The following IMPACT variants were observed in gnomAD, a reference collection of about 807,000 sequenced individuals.
IMPACT encodes the protein protein IMPACT.
In IMPACT, 35 loss-of-function variants were observed where a neutral mutation model predicts 47.5. The observed-to-expected ratio is 0.74, with a 90% CI of 0.56 to 0.98. The LOEUF (loss-of-function observed/expected upper bound fraction) is 0.98, where lower values mean the gene tolerates loss of function less well. Ranked by LOEUF, IMPACT falls within the 50% of genes least tolerant of loss-of-function variation. IMPACT has a pLI of 0.00. For missense variants in IMPACT, 373 were observed against 394.8 expected (o/e 0.94, Z 0.47); for synonymous variants, 118 against 125.6 (o/e 0.94, Z 0.40).
At chr18:24,432,798 A>G (rs565973108) in intron 4 of IMPACT, among the ~76,000 whole-genome samples, 1 of 151,784 alleles carries the variant, frequency 6.6e-6, no homozygotes, top group Non-Finnish European at 1.5e-5. Flanking sequence ...GCTCTTACCT[A>G]ACTTTTGGTG....
At chr18:24,448,301 G>A (rs1339470408) in intron 9 of IMPACT, 118 bp downstream of exon 9, 5 of 551,544 alleles carry the variant, frequency 9.1e-6, no homozygotes, top group African/African-American at 1.9e-5. Context: ...AGATATATTT[G>A]ATTTAATTAG....
At chr18:24,437,085 C>G (rs992487892) in intron 4 of IMPACT, among the ~76,000 whole-genome samples, 1 of 151,964 alleles carries the variant, frequency 6.6e-6, no homozygotes, top group Non-Finnish European at 1.5e-5. Flanking sequence ...TCTCTTGTTT[C>G]GAAAGTTTTG....
chr18:24,438,290 G>A (rs2144339581), intron 5 of IMPACT, among the ~76,000 whole-genome samples: 1 of 152,250 alleles, frequency 6.6e-6, no homozygotes, highest in South Asian at 2.1e-4. Context: ...CATGGTTTCA[G>A]TTACCTGTGG....
At position 24,451,403 on chromosome 18, in the gene IMPACT, T is replaced by TC. The variant is rs1909379611; in HGVS notation, c.*558dup. ...TGGATTAAGTGAAAATCCAGGAGTA[T>TC]CCATCTGCAGTTATGTGCTGAGGTG... On this transcript the variant is annotated 3_prime_UTR_variant, in exon 11 of 11. Coordinates refer to ENST00000284202, the MANE Select transcript of IMPACT (RefSeq NM_018439.4). 6.6e-6 allele frequency: 1 copy of TC among 152,228 alleles called. No homozygotes were observed. Among genetic ancestry groups the TC allele is most frequent in the East Asian group, 1.9e-4 (1 of 5,204 alleles). 9.4% of individuals were successfully genotyped at this position (152,228 alleles called of 1,614,324 possible).
At chr18:24,446,817 TCA>T (rs1909261135) in intron 8 of IMPACT, among the ~76,000 whole-genome samples, 1 of 152,342 alleles carries the variant, frequency 6.6e-6, no homozygotes, top group East Asian at 1.9e-4. Context: ...TAGACTACTC[TCA>T]GTCATTAAAA....
chr18:24,428,194 C>A, intron 2 of IMPACT, 147 bp downstream of exon 2: 1 of 696,194 alleles, frequency 1.4e-6, no homozygotes, highest in Non-Finnish European at 2.4e-6. Context: ...AGTTACATCT[C>A]AGATCACTTT....
At chr18:24,444,517 A>C (rs936156979) in intron 7 of IMPACT, among the ~76,000 whole-genome samples, 2 of 152,168 alleles carry the variant, frequency 1.3e-5, no homozygotes. Context: ...ACCTTCACAC[A>C]TGTAATCTTT....
intron 3 of IMPACT, among the ~76,000 whole-genome samples, chr18:24,430,018 C>G (rs191627954): frequency 9.8e-4 from 149 of 152,234 alleles, no homozygotes; most frequent in Middle Eastern, 6.8e-3. Context: ...ACCTCGTGAT[C>G]TGCCCGCCTC....
At chr18:24,431,874 G>C (rs1220085441) in intron 4 of IMPACT, among the ~76,000 whole-genome samples, 1 of 152,054 alleles carries the variant, frequency 6.6e-6, no homozygotes, top group Non-Finnish European at 1.5e-5. Context: ...GCCAATGTTT[G>C]TATTTTTAGT....
Position 24,449,856 on chromosome 18 carries a change from G to T in IMPACT, c.797G>T (p.Arg266Leu), listed in dbSNP as rs778873794. 2 of 1,612,776 alleles carry T rather than the reference G, an allele frequency of 1.2e-6. No homozygotes were observed. The highest frequency in any genetic ancestry group is 1.7e-5 in the Admixed American group (1 of 59,976). The stretch of plus-strand genomic sequence containing the variant: ...AAGAATGTCATGGTGGTAGTATCAC[G>T]CTGGTATGGAGGGATTCTGCTAGGA... ...NVKNVMVVVS[R>L]WYGGILLGPD... Residue 266 changes from arginine to leucine, a missense_variant, in exon 10 of 11, where the codon CGC becomes CTC. By Grantham distance (102) the Arg-to-Leu change is moderately radical (BLOSUM62 -2). Transcript: ENST00000284202.
intron 5 of IMPACT, chr18:24,439,418 A>T (rs951658054): frequency 6.6e-6 from 1 of 152,352 alleles, no homozygotes; most frequent in African/African-American, 2.4e-5. Context: ...CGGGCGGATC[A>T]CGAGGTCAGG....
At chr18:24,445,056 A>G (rs1290603074) in intron 7 of IMPACT, among the ~76,000 whole-genome samples, 1 of 152,224 alleles carries the variant, frequency 6.6e-6, no homozygotes, top group African/African-American at 2.4e-5. Context: ...GGATGTATAC[A>G]TTTGGTAAAT....
At position 24,450,880 on chromosome 18, in the gene IMPACT, A is replaced by G. The variant is rs763247941; in HGVS notation, c.*33A>G. On this transcript the variant is annotated 3_prime_UTR_variant, in exon 11 of 11. Coordinates refer to ENST00000284202, the MANE Select transcript of IMPACT (RefSeq NM_018439.4). ...AACTATAGGAAAGGTTAATTTGCCT[A>G]TAATTATATATACATTCCATAGTCA... 22 of 1,214,632 alleles carry G rather than the reference A, an allele frequency of 1.8e-5. No individual in the cohort carries two copies. In the South Asian group the frequency reaches 2.2e-4, roughly 12 times the overall value. The allele number at this position is 1,214,632 out of a possible 1,614,324, so 75.2% of individuals were successfully genotyped here. A position where few individuals can be genotyped will look rare whatever the true frequency, so the allele number is the denominator to read the frequency against.
intron 3 of IMPACT, among the ~76,000 whole-genome samples, chr18:24,429,980 T>C (rs2049881392): frequency 6.6e-6 from 1 of 152,090 alleles, no homozygotes. Flanking sequence ...GGTTTCGCCA[T>C]GTTAGCCAGG....
chr18:24,438,113 A>G (rs1908995971), intron 5 of IMPACT, 73 bp downstream of exon 5: 1 of 701,318 alleles, frequency 1.4e-6, no homozygotes, highest in African/African-American at 1.8e-5. Flanking sequence ...ACTCTAGTTG[A>G]AATTTAATGT....
intron 4 of IMPACT, among the ~76,000 whole-genome samples, chr18:24,437,400 A>G (rs1293671975): frequency 6.6e-6 from 1 of 152,208 alleles, no homozygotes; most frequent in East Asian, 1.9e-4. Context: ...AAATGAATCA[A>G]TTTAGGCAAT....
chr18:24,432,458 C>T (rs777270091), intron 4 of IMPACT, among the ~76,000 whole-genome samples: 19 of 151,984 alleles, frequency 1.3e-4, no homozygotes, highest in Non-Finnish European at 2.2e-4. Flanking sequence ...CTTTTCCTCC[C>T]AAAATACTTA....
At chr18:24,430,422 T>C (rs775245558) in intron 4 of IMPACT, 38 bp downstream of exon 4, 1 of 1,455,342 alleles carries the variant, frequency 6.9e-7, no homozygotes, top group East Asian at 2.3e-5. Flanking sequence ...ATTCTGTTAG[T>C]GATTGTATTG....
At chr18:24,430,504 CA>C in intron 4 of IMPACT, 120 bp downstream of exon 4, 1 of 632,776 alleles carries the variant, frequency 1.6e-6, no homozygotes, top group Non-Finnish European at 2.7e-6. Flanking sequence ...TCTGCTTTAA[CA>C]AAAAGGACTC....
Sources: allele counts gnomAD v4.1 joint callset (sites outside exome capture counted in the v4.1 genomes callset), GRCh38; gene constraint gnomAD v4.1.1; transcripts MANE v1.5; gene names NCBI Gene and HGNC (gene_info 2026-07-23, HGNC 2026-07-21).